ZNF625: variants seen among roughly 807,000 people sequenced by gnomAD.
ZNF625 encodes the protein zinc finger protein 625.
In ZNF625, 8 loss-of-function variants were observed where a neutral mutation model predicts 11.1. The ratio of observed to expected loss-of-function variants is 0.72; its 90% CI spans 0.42 to 1.30. ZNF625 has a LOEUF of 1.30. Ranked by LOEUF, ZNF625 falls within the 50% of genes most tolerant of loss-of-function variation. The probability of loss-of-function intolerance (pLI) is 0.01; values close to 1 mark genes in which losing one functional copy is unlikely to be tolerated. For missense variants in ZNF625, 349 were observed against 447.6 expected (o/e 0.78, Z 1.99); for synonymous variants, 145 against 153.4 (o/e 0.95, Z 0.41).
Position 12,153,930 on chromosome 19 carries a change from C to G in ZNF625, c.3+2626G>C, listed in dbSNP as rs911969790. Among the ~76,000 whole-genome samples, 2 of 150,242 alleles carry G rather than the reference C, an allele frequency of 1.3e-5. 1 individual carries two copies. The highest frequency in any genetic ancestry group is 4.2e-4 in the South Asian group (2 of 4,758). ...TCACGCCATTCTCCTGCCTCAGCCT[C>G]CCGAGTAGCTGGGACTACAGGCACC... is the stretch of plus-strand genomic sequence containing the variant. On this transcript the variant is annotated intron_variant, in intron 1 of 3. Coordinates refer to ENST00000439556, the MANE Select transcript of ZNF625 (RefSeq NM_145233.4).
rs1976847637 is a variant in ZNF625, at chr19:12,145,039, A to G, written c.*258T>C. 1 of 407,674 alleles carries G rather than the reference A, an allele frequency of 2.5e-6. No homozygotes were observed. The allele number at this position is 407,674 out of a possible 1,614,324, so 25.3% of individuals were successfully genotyped here. On this transcript the variant is annotated 3_prime_UTR_variant, in exon 4 of 4. Transcript: ENST00000439556. ...AAACCTCGTATTTTTTTTATGACAG[A>G]ACTGTCTTAAGGTCTTACTGGAGGT...
chr19:12,153,404 G>A (rs1052456803), intron 1 of ZNF625, among the ~76,000 whole-genome samples: 17 of 151,072 alleles, frequency 1.1e-4, no homozygotes, highest in Admixed American at 9.9e-4. Flanking sequence ...ACACATGCAC[G>A]GCTGGGTGCA....
intron 1 of ZNF625, among the ~76,000 whole-genome samples, chr19:12,149,581 A>G (rs1475780256): frequency 6.6e-6 from 1 of 152,138 alleles, no homozygotes; most frequent in Non-Finnish European, 1.5e-5. Context: ...GTAAAATTTA[A>G]GTTTTTTACT....
intron 1 of ZNF625, among the ~76,000 whole-genome samples, chr19:12,150,043 C>T (rs56410962): frequency 0.16 from 24,405 of 152,130 alleles, 2,182 homozygotes; most frequent in African/African-American, 0.23. Context: ...CCGGCCCGAC[C>T]TAAGTATTTT....
At chr19:12,156,073 G>A (rs1977022073) in intron 1 of ZNF625, among the ~76,000 whole-genome samples, 1 of 151,974 alleles carries the variant, frequency 6.6e-6, no homozygotes, top group South Asian at 2.1e-4. Flanking sequence ...GCCTAGGCTG[G>A]TCTCGAATTT....
chr19:12,145,230 C>T lies in ZNF625; in HGVS notation c.*67G>A, dbSNP rs531524387. ...CTTCAGAATAATTTTGCGATGGTTC[C>T]CATGATTTGAGGGAAACACATTTTT... is the stretch of plus-strand genomic sequence containing the variant. On this transcript the variant is annotated 3_prime_UTR_variant, in exon 4 of 4. Coordinates refer to ENST00000439556, the MANE Select transcript of ZNF625 (RefSeq NM_145233.4). The T allele has an allele frequency of 2.5e-3, 3,703 of 1,479,470 alleles. 4 individuals carry two copies. Among genetic ancestry groups the T allele is most frequent in the Non-Finnish European group, 3.2e-3 (3,499 of 1,100,442 alleles). 91.6% of individuals were successfully genotyped at this position (1,479,470 alleles called of 1,614,324 possible). A position where few individuals can be genotyped will look rare whatever the true frequency, so the allele number is the denominator to read the frequency against.
chr19:12,145,486 T>C lies in ZNF625; in HGVS notation c.930A>G (p.Lys310=), dbSNP rs771913795. The C allele has an allele frequency of 1.2e-6, 2 of 1,614,166 alleles. No homozygotes were observed. The highest frequency in any genetic ancestry group is 1.7e-6 in the Non-Finnish European group (2 of 1,180,024). ...EKPYECKQCG[K]AFRSASHLRT... ...GAAGGTGCGAGGCAGATCTGAAGGC[T>C]TTCCCACATTGCTTACATTCATAGG... Residue 310 remains lysine (K), a synonymous_variant, in exon 4 of 4, where the codon AAA becomes AAG. Transcript: ENST00000439556.
At chr19:12,152,415 A>G (rs553411633) in intron 1 of ZNF625, among the ~76,000 whole-genome samples, 3 of 152,336 alleles carry the variant, frequency 2.0e-5, no homozygotes, top group Non-Finnish European at 4.4e-5. Context: ...CAATTCAGGA[A>G]AGCAATGCTG....
At chr19:12,147,511 C>T (rs1227427701) in intron 2 of ZNF625, 56 bp from the exon 3 acceptor site, 1 of 1,507,460 alleles carries the variant, frequency 6.6e-7, no homozygotes, top group Non-Finnish European at 8.9e-7. Context: ...GAAAAAAGTA[C>T]TAGATTCTAA....
intron 3 of ZNF625, 35 bp downstream of exon 3, chr19:12,147,358 TAG>T: frequency 2.1e-6 from 3 of 1,416,738 alleles, no homozygotes; most frequent in Non-Finnish European, 2.9e-6. Context: ...TATGATTGTC[TAG>T]AGAGACATCA....
At chr19:12,151,066 G>C (rs1299430995) in intron 1 of ZNF625, among the ~76,000 whole-genome samples, 1 of 151,318 alleles carries the variant, frequency 6.6e-6, no homozygotes, top group East Asian at 1.9e-4. Flanking sequence ...TCTTCCATTT[G>C]GTGAATACTC....
chr19:12,155,600 A>G (rs1306918064), intron 1 of ZNF625, among the ~76,000 whole-genome samples: 1 of 152,110 alleles, frequency 6.6e-6, no homozygotes, highest in Non-Finnish European at 1.5e-5. Flanking sequence ...CCAAACTGCC[A>G]TCGAACCTCC....
chr19:12,153,111 T>C lies in ZNF625; in HGVS notation c.3+3445A>G, dbSNP rs865956591. 2.6e-5 allele frequency among the ~76,000 whole-genome samples: 4 copies of C among 151,942 alleles called. No homozygotes were observed. In the South Asian group the frequency reaches 8.3e-4, roughly 31 times the overall value. On this transcript the variant is annotated intron_variant, in intron 1 of 3. Coordinates refer to ENST00000439556, the MANE Select transcript of ZNF625 (RefSeq NM_145233.4). The stretch of plus-strand genomic sequence containing the variant: ...GCTCACGCCTGTAATCCTAGCACTT[T>C]GGGAGGCCGAGGTGGGTGGATCACG...
At position 12,145,469 on chromosome 19, in the gene ZNF625, G is replaced by A. The variant is rs778993312; in HGVS notation, c.947C>T (p.Ser316Leu). The A allele has an allele frequency of 9.3e-6, 15 of 1,613,682 alleles. No individual in the cohort carries two copies. The highest frequency in any genetic ancestry group is 4.5e-5 in the East Asian group (2 of 44,858). ...AGTCCTTCCATGTGTTCGAAGGTGCGAGGCAGATCTGAAGGCTTTCCCACA... is the reference window on the plus strand; with the variant it reads ...AGTCCTTCCATGTGTTCGAAGGTGCAAGGCAGATCTGAAGGCTTTCCCACA... ...KQCGKAFRSA[S>L]HLRTHGRTHT... is the part of the protein sequence containing the mutation. Residue 316 changes from serine to leucine, a missense_variant, in exon 4 of 4, where the codon TCG (serine) becomes TTG (leucine). Transcript: ENST00000439556.
intron 1 of ZNF625, 147 bp from the exon 2 acceptor site, chr19:12,147,949 C>T: frequency 1.1e-6 from 1 of 870,366 alleles, no homozygotes; most frequent in Non-Finnish European, 1.7e-6. Flanking sequence ...TCTGTCAACA[C>T]TCACTCTTCC....
intron 1 of ZNF625, among the ~76,000 whole-genome samples, chr19:12,153,932 C>G (rs1478701753): frequency 6.6e-6 from 1 of 150,898 alleles, no homozygotes; most frequent in Non-Finnish European, 1.5e-5. Context: ...CTCAGCCTCC[C>G]GAGTAGCTGG....
chr19:12,147,703 C>A lies in ZNF625; in HGVS notation c.103G>T (p.Glu35Ter). 6.2e-7 allele frequency: 1 copy of A among 1,614,008 alleles called. No individual in the cohort carries two copies. Among genetic ancestry groups the A allele is most frequent in the Non-Finnish European group, 8.5e-7 (1 of 1,179,988 alleles). Reference protein sequence around the residue: ...QKNLYRDVMQETFRNLASVGK... With the variant: ...QKNLYRDVMQ The stretch of plus-strand genomic sequence containing the variant: ...ACAGAAGCCAGGTTCCTGAAGGTTT[C>A]CTGCATCACATCTCTGTAGAGATTC... The change falls in exon 2 of 4, where the codon GAA becomes TAA. Residue 35 changes from glutamate (E) to a stop codon, truncating the protein, a stop_gained. Transcript: ENST00000439556. LOFTEE classifies it high-confidence loss of function.
In ZNF625 at chr19:12,145,258, C is replaced by T. The variant is rs1976850462; in HGVS notation, c.*39G>A. 6.5e-7 allele frequency: 1 copy of T among 1,534,080 alleles called. No homozygotes were observed. ...TGATTTGAGGGAAACACATTTTTAC[C>T]ATGATTGGATTCGGTGGCTTCTAGG... On this transcript the variant is annotated 3_prime_UTR_variant, in exon 4 of 4. Coordinates refer to ENST00000439556, the MANE Select transcript of ZNF625 (RefSeq NM_145233.4).
chr19:12,145,255 T>C lies in ZNF625; in HGVS notation c.*42A>G, dbSNP rs1568387549. The C allele has an allele frequency of 6.5e-7, 1 of 1,531,970 alleles. No homozygotes were observed. Among genetic ancestry groups the C allele is most frequent in the Non-Finnish European group, 8.8e-7 (1 of 1,139,312 alleles). The allele number at this position is 1,531,970 out of a possible 1,614,324, so 94.9% of individuals were successfully genotyped here. A position where few individuals can be genotyped will look rare whatever the true frequency, so the allele number is the denominator to read the frequency against. The stretch of plus-strand genomic sequence containing the variant: ...CCATGATTTGAGGGAAACACATTTT[T>C]ACCATGATTGGATTCGGTGGCTTCT... On this transcript the variant is annotated 3_prime_UTR_variant, in exon 4 of 4. Transcript: ENST00000439556.
Sources: gnomAD v4.1 joint callset for allele counts (sites outside exome capture counted in the v4.1 genomes callset) on GRCh38, gnomAD v4.1.1 for gene constraint, MANE v1.5 for transcripts, NCBI Gene and HGNC (gene_info 2026-07-23, HGNC 2026-07-21) for gene names.